The following ELN variants were observed in gnomAD, a reference collection of about 807,000 sequenced individuals.
The protein encoded by ELN is tropoelastin.
ELN carries 65 observed loss-of-function variants against 105.8 expected under a neutral mutation model. That is an observed-to-expected ratio of 0.61 (90% confidence interval 0.50 to 0.75). The LOEUF (loss-of-function observed/expected upper bound fraction) is 0.75. Among genes scored for constraint, ELN ranks in the 30% least tolerant of loss-of-function variants. The probability of loss-of-function intolerance (pLI) is 0.00; values close to 1 mark genes in which losing one functional copy is unlikely to be tolerated. For synonymous variants in ELN, 368 were observed against 389.2 expected (o/e 0.95, Z 0.64); for missense variants, 882 against 969.4 (o/e 0.91, Z 1.20).
intron 5 of ELN, among the ~76,000 whole-genome samples, chr7:74,041,799 A>G (rs1791271973): frequency 6.6e-6 from 1 of 152,142 alleles, no homozygotes; most frequent in African/African-American, 2.4e-5. Flanking sequence ...CACCTGGTGC[A>G]GTTGATCTCA....
chr7:74,047,830 T>TG (rs1385698306), intron 13 of ELN, 114 bp downstream of exon 13: 13 of 1,481,978 alleles, frequency 8.8e-6, no homozygotes. Context: ...GGGGCAGGGT[T>TG]GGGGTCTTGG....
At chr7:74,058,848 T>C (rs1795961440) in intron 22 of ELN, among the ~76,000 whole-genome samples, 1 of 152,190 alleles carries the variant, frequency 6.6e-6, no homozygotes, top group Non-Finnish European at 1.5e-5. Context: ...CAGATCAGAA[T>C]CTCTAGGACT....
chr7:74,037,788 A>G, intron 4 of ELN, 49 bp downstream of exon 4: 1 of 1,599,772 alleles, frequency 6.3e-7, no homozygotes, highest in Non-Finnish European at 8.5e-7. Context: ...GGAGCTGGGG[A>G]GGGAGGAGCC....
rs924236018 is a variant in ELN at position 74,053,386 on chromosome 7, C to T, written c.1096+77C>T. On this transcript the variant is annotated intron_variant, in intron 18 of 32. Transcript: ENST00000252034. ...TTAGAGAGAAATATTGAGACTATTG[C>T]CAAAATTTTTGCATTCTCCCTAACA... The T allele has an allele frequency of 5.4e-4, 849 of 1,562,296 alleles. 2 individuals carry two copies. The highest frequency in any genetic ancestry group is 3.7e-4 in the South Asian group (32 of 86,208).
In ELN at chr7:74,043,035, G is replaced by T. The variant is rs1791599218; in HGVS notation, c.376+1G>T. On this transcript the variant is annotated splice_donor_variant, in intron 7 of 32. Coordinates refer to ENST00000252034, the MANE Select transcript of ELN (RefSeq NM_000501.4). LOFTEE classifies it high-confidence loss of function. ...GTTGGTGGCTTAGGAGTGTCTGCAG[G>T]TACGATGGCTATCCCCGAACTCCCT... 6.2e-7 allele frequency: 1 copy of T among 1,614,042 alleles called. No individual in the cohort carries two copies. Among genetic ancestry groups the T allele is most frequent in the Non-Finnish European group, 8.5e-7 (1 of 1,180,040 alleles).
intron 4 of ELN, among the ~76,000 whole-genome samples, chr7:74,039,979 C>T (rs1790802157): frequency 6.6e-6 from 1 of 152,220 alleles, no homozygotes; most frequent in Non-Finnish European, 1.5e-5. Context: ...AGCCCCTCCC[C>T]GCTTTCTCCT....
At chr7:74,050,783 A>AT (rs1157118374) in intron 15 of ELN, among the ~76,000 whole-genome samples, 1 of 152,080 alleles carries the variant, frequency 6.6e-6, no homozygotes, top group African/African-American at 2.4e-5. Context: ...AACGGGAGGC[A>AT]TTTTTTTCTA....
At chr7:74,054,822 A>G in intron 19 of ELN, 53 bp downstream of exon 19, 1 of 1,601,130 alleles carries the variant, frequency 6.2e-7, no homozygotes, top group East Asian at 2.2e-5. Context: ...TTTACTTGCC[A>G]GAACTAAAGG....
chr7:74,028,943 G>A (rs982306821), intron 1 of ELN, among the ~76,000 whole-genome samples: 8 of 152,146 alleles, frequency 5.3e-5, no homozygotes, highest in African/African-American at 1.9e-4. Flanking sequence ...GCACAGGTGT[G>A]CATGTGTTCA....
chr7:74,040,634 G>A (rs1790988916), intron 4 of ELN, among the ~76,000 whole-genome samples: 1 of 152,170 alleles, frequency 6.6e-6, no homozygotes, highest in Admixed American at 6.5e-5. Flanking sequence ...ATTGGTCCTG[G>A]CCAAGGCAGT....
At position 74,063,815 on chromosome 7, in the gene ELN, C is replaced by A. The variant is rs1584014287; in HGVS notation, c.1993+120C>A. 1.4e-6 allele frequency: 2 copies of A among 1,407,104 alleles called. No individual in the cohort carries two copies. Among genetic ancestry groups the A allele is most frequent in the Non-Finnish European group, 2.0e-6 (2 of 1,004,940 alleles). 87.2% of individuals were successfully genotyped at this position (1,407,104 alleles called of 1,614,324 possible). On this transcript the variant is annotated intron_variant, in intron 29 of 32. Transcript: ENST00000252034. This position sits in a 1 kb window ranked among gnomAD's most constrained non-coding sequence, Gnocchi z 4.1. ...CCTGGCACGTCTTTGCTCAAGATGT[C>A]CTCTTGGCCAGGTGCGGTGGCTCAC...
chr7:74,030,295 G>A (rs1788371253), intron 1 of ELN, among the ~76,000 whole-genome samples: 1 of 152,146 alleles, frequency 6.6e-6, no homozygotes, highest in African/African-American at 2.4e-5. Flanking sequence ...CCCTCAAGGA[G>A]GAGGGTGTCA....
At chr7:74,040,997 T>C (rs529886230) in intron 4 of ELN, among the ~76,000 whole-genome samples, 5 of 152,276 alleles carry the variant, frequency 3.3e-5, no homozygotes, top group African/African-American at 1.2e-4. Flanking sequence ...CCAGGCTTGT[T>C]AGGGATCGGT....
chr7:74,064,121 GAAAGA>G (rs1262370253), intron 29 of ELN, among the ~76,000 whole-genome samples: 3 of 148,702 alleles, frequency 2.0e-5, no homozygotes, highest in East Asian at 4.0e-4. Flanking sequence ...AAAAAAGAAA[GAAAGA>G]AAAGAAAAGA....
intron 2 of ELN, 118 bp from the exon 3 acceptor site, chr7:74,036,437 G>C: frequency 7.4e-7 from 1 of 1,353,088 alleles, no homozygotes; most frequent in Non-Finnish European, 1.0e-6. Flanking sequence ...GCAGAGAGCA[G>C]GTCTTGCCCA....
At chr7:74,065,880 C>A in intron 30 of ELN, 64 bp from the exon 31 acceptor site, 3 of 1,613,040 alleles carry the variant, frequency 1.9e-6, no homozygotes, top group Non-Finnish European at 2.5e-6. Flanking sequence ...CAGAACCCAG[C>A]AGGGATATCA....
intron 19 of ELN, among the ~76,000 whole-genome samples, chr7:74,054,970 G>T (rs1400159135): frequency 2.0e-5 from 3 of 152,272 alleles, no homozygotes; most frequent in African/African-American, 7.2e-5. Context: ...GAAAGTCCCA[G>T]GATGGCATTC....
chr7:74,028,422 C>T (rs1787924221), intron 1 of ELN, among the ~76,000 whole-genome samples, 153 bp downstream of exon 1: 2 of 152,184 alleles, frequency 1.3e-5, no homozygotes, highest in African/African-American at 2.4e-5. Flanking sequence ...CGGAACTGCC[C>T]CTCCCAGGAG....
chr7:74,045,624 T>C (rs1792284706), intron 10 of ELN: 1 of 394,414 alleles, frequency 2.5e-6, no homozygotes, highest in Non-Finnish European at 4.8e-6. Flanking sequence ...ACACCTATGA[T>C]CCCAACTATT....
Sources: gnomAD v4.1 joint callset for allele counts (sites outside exome capture counted in the v4.1 genomes callset) on GRCh38, gnomAD v4.1.1 for gene constraint, Gnocchi (gnomAD v3.1) non-coding constraint, MANE v1.5 for transcripts, NCBI Gene and HGNC (gene_info 2026-07-23, HGNC 2026-07-21) for gene names.